The following ZFPM2 variants were observed in gnomAD, a reference collection of about 807,000 sequenced individuals.
ZFPM2 encodes the protein zinc finger protein, FOG family member 2.
In ZFPM2, 20 loss-of-function variants were observed where a neutral mutation model predicts 98.6. The ratio of observed to expected loss-of-function variants is 0.20; its 90% CI spans 0.14 to 0.29. The LOEUF (loss-of-function observed/expected upper bound fraction) is 0.29, where lower values mean the gene tolerates loss of function less well. ZFPM2 is among the 10% of genes least tolerant of loss of function. The probability of loss-of-function intolerance (pLI) is 1.00; values close to 1 mark genes in which losing one functional copy is unlikely to be tolerated. For missense variants in ZFPM2, 1,310 were observed against 1,388.6 expected, an observed-to-expected ratio of 0.94 and a Z score of 0.90; for synonymous variants, 518 against 502.7, an observed-to-expected ratio of 1.03 and a Z score of -0.41.
chr8:105,635,758 A>G (rs2130842379), intron 5 of ZFPM2, among the ~76,000 whole-genome samples: 1 of 152,332 alleles, frequency 6.6e-6, no homozygotes, highest in South Asian at 2.1e-4. Context: ...TCTTCATTGT[A>G]TCAATATAGT....
chr8:105,664,639 A>C (rs1251221195), intron 5 of ZFPM2, among the ~76,000 whole-genome samples: 1 of 152,158 alleles, frequency 6.6e-6, no homozygotes. Flanking sequence ...CTGGCCATAA[A>C]ATTCTTTAAG....
intron 5 of ZFPM2, among the ~76,000 whole-genome samples, chr8:105,710,121 T>G (rs1811348374): frequency 6.6e-6 from 1 of 152,102 alleles, no homozygotes; most frequent in South Asian, 2.1e-4. Flanking sequence ...GAAGCATTCT[T>G]AGTTCAACTG....
At chr8:105,772,141 T>A (rs956672019) in intron 5 of ZFPM2, among the ~76,000 whole-genome samples, 4 of 152,132 alleles carry the variant, frequency 2.6e-5, no homozygotes, top group African/African-American at 7.2e-5. Context: ...TTAAGACCAC[T>A]GTTAAGCAGC....
At chr8:105,482,088 T>C (rs1181648043) in intron 3 of ZFPM2, among the ~76,000 whole-genome samples, 1 of 152,248 alleles carries the variant, frequency 6.6e-6, no homozygotes, top group East Asian at 1.9e-4. Flanking sequence ...TGGCAAAAGG[T>C]ATGTTTCCAT....
intron 3 of ZFPM2, among the ~76,000 whole-genome samples, chr8:105,508,500 TA>T (rs778832622): frequency 3.9e-5 from 6 of 152,142 alleles, no homozygotes; most frequent in Non-Finnish European, 8.8e-5. Flanking sequence ...AATACTTTAA[TA>T]AGAGACCTTA....
intron 5 of ZFPM2, chr8:105,662,303 T>C (rs1203733044): frequency 6.6e-6 from 1 of 152,126 alleles, no homozygotes; most frequent in Non-Finnish European, 1.5e-5. Flanking sequence ...GGGGCATTTT[T>C]ACATTAAGAA....
At chr8:105,731,258 C>T (rs1235938170) in intron 5 of ZFPM2, among the ~76,000 whole-genome samples, 1 of 151,442 alleles carries the variant, frequency 6.6e-6, no homozygotes, top group African/African-American at 2.4e-5. Flanking sequence ...GAAACCACTT[C>T]TCCTTTTTCC....
intron 5 of ZFPM2, among the ~76,000 whole-genome samples, chr8:105,746,130 C>T (rs1812337840): frequency 6.6e-6 from 1 of 151,648 alleles, no homozygotes; most frequent in African/African-American, 2.4e-5. Flanking sequence ...CTGAAAACAT[C>T]CTTTCTCCCC....
chr8:105,450,567 T>C (rs909764320), intron 3 of ZFPM2, among the ~76,000 whole-genome samples: 1 of 152,152 alleles, frequency 6.6e-6, no homozygotes, highest in Non-Finnish European at 1.5e-5. Flanking sequence ...TCATTAATTT[T>C]CACATTTGCA....
intron 5 of ZFPM2, among the ~76,000 whole-genome samples, chr8:105,697,351 C>G (rs1429976281): frequency 5.3e-5 from 8 of 152,146 alleles, no homozygotes; most frequent in African/African-American, 1.9e-4. Context: ...GCCATCTTTA[C>G]TGAACTAACA....
At chr8:105,693,738 A>C (rs975065198) in intron 5 of ZFPM2, among the ~76,000 whole-genome samples, 11 of 152,018 alleles carry the variant, frequency 7.2e-5, no homozygotes, top group African/African-American at 2.7e-4. Flanking sequence ...TAAATGGTGT[A>C]TTATCCAATT....
At chr8:105,756,987 G>A (rs886510073) in intron 5 of ZFPM2, among the ~76,000 whole-genome samples, 2 of 152,094 alleles carry the variant, frequency 1.3e-5, no homozygotes, top group African/African-American at 4.8e-5. Context: ...TGAAATTAGG[G>A]TTTATACTAG....
rs1380984243 is a variant in ZFPM2, at chr8:105,419,128, C to G, written c.41-16C>G. On this transcript the variant is annotated splice_polypyrimidine_tract_variant and intron_variant, in intron 1 of 7. Coordinates refer to ENST00000407775, the MANE Select transcript of ZFPM2 (RefSeq NM_012082.4). Reference sequence around the variant, plus strand: ...CTTGCATATTTTTGGTACAGTTTCCCTGATTCTTTTTCAAGGGCCGCTTGA... The same window carrying G: ...CTTGCATATTTTTGGTACAGTTTCCGTGATTCTTTTTCAAGGGCCGCTTGA... 4 of 1,607,342 alleles carry G rather than the reference C, an allele frequency of 2.5e-6. No homozygotes were observed. The highest frequency in any genetic ancestry group is 3.4e-6 in the Non-Finnish European group (4 of 1,177,826).
chr8:105,649,545 G>A (rs572591528), intron 5 of ZFPM2, among the ~76,000 whole-genome samples: 53 of 152,246 alleles, frequency 3.5e-4, no homozygotes, highest in African/African-American at 1.1e-3. Flanking sequence ...ATTATTTTGA[G>A]ATACGTCCCA....
intron 5 of ZFPM2, among the ~76,000 whole-genome samples, chr8:105,702,022 T>A (rs995757472): frequency 1.3e-5 from 2 of 152,164 alleles, no homozygotes; most frequent in African/African-American, 4.8e-5. Context: ...TGTGTGACAT[T>A]TCACAAATAA....
intron 1 of ZFPM2, among the ~76,000 whole-genome samples, chr8:105,334,422 A>G (rs1278849895): frequency 6.6e-6 from 1 of 151,670 alleles, no homozygotes; most frequent in Non-Finnish European, 1.5e-5. Flanking sequence ...AAAAGTGAGC[A>G]CTCAAGTGAA....
In ZFPM2 at chr8:105,341,614, C is replaced by A. The variant is rs889568067; in HGVS notation, c.40+22633C>A. Among the ~76,000 whole-genome samples the A allele has an allele frequency of 1.1e-4, 16 of 151,812 alleles. 1 individual carries two copies. The South Asian group carries it at 2.7e-3, about 26-fold the overall frequency. On this transcript the variant is annotated intron_variant, in intron 1 of 7. Transcript: ENST00000407775. The stretch of plus-strand genomic sequence containing the variant: ...TCATTTTATATATATATGTATTTCC[C>A]TGAATGAAAATTTGTGACTGATTAG...
intron 5 of ZFPM2, among the ~76,000 whole-genome samples, chr8:105,777,319 GT>G (rs1813125020): frequency 6.6e-6 from 1 of 152,094 alleles, no homozygotes; most frequent in Non-Finnish European, 1.5e-5. Context: ...AAAAGTTTGC[GT>G]TTTCATTTTC....
intron 1 of ZFPM2, among the ~76,000 whole-genome samples, chr8:105,413,098 A>T (rs1379010531): frequency 6.6e-6 from 1 of 151,888 alleles, no homozygotes; most frequent in East Asian, 1.9e-4. Context: ...AACAAACAGG[A>T]TATATACGTA....
Sources: gnomAD v4.1 joint callset for allele counts (sites outside exome capture counted in the v4.1 genomes callset) on GRCh38, gnomAD v4.1.1 for gene constraint, MANE v1.5 for transcripts, NCBI Gene and HGNC (gene_info 2026-07-23, HGNC 2026-07-21) for gene names.